Variants in TMCO1 observed in about 807,000 individuals in gnomAD.
TMCO1 encodes calcium load-activated calcium channel.
TMCO1 carries 29 observed loss-of-function variants against 29.3 expected under a neutral mutation model. The ratio of observed to expected loss-of-function variants is 0.99; its 90% CI spans 0.74 to 1.35. The LOEUF is 1.35. Among genes scored for constraint, TMCO1 ranks in the 40% most tolerant of loss-of-function variants. TMCO1 has a pLI of 0.00. For synonymous variants in TMCO1, 80 were observed against 77.1 expected (o/e 1.04, Z -0.20); for missense variants, 173 against 225.5 (o/e 0.77, Z 1.49).
intron 6 of TMCO1, among the ~76,000 whole-genome samples, chr1:165,733,333 G>C (rs1204343054): frequency 6.6e-6 from 1 of 152,076 alleles, no homozygotes; most frequent in Admixed American, 6.6e-5. Flanking sequence ...GCAAGATTTA[G>C]TTTAGAAATA....
At chr1:165,764,096 T>C (rs1652490838) in intron 2 of TMCO1, among the ~76,000 whole-genome samples, 1 of 152,200 alleles carries the variant, frequency 6.6e-6, no homozygotes, top group Non-Finnish European at 1.5e-5. Flanking sequence ...TTCAAACCAA[T>C]TTGAAGCTAA....
At position 165,768,742 on chromosome 1, in the gene TMCO1, T is replaced by G. The variant is rs1287927441; in HGVS notation, c.10A>C (p.Met4Leu). The change falls in exon 1 of 7, where the codon ATG becomes CTG. Residue 4 changes from methionine (M) to leucine (L), a missense_variant. Met to Leu is a conservative substitution (Grantham distance 15). Coordinates refer to ENST00000367881, the MANE Select transcript of TMCO1 (RefSeq NM_019026.6). ...ACGATGAGGAGAGTGTCCGCGAACA[T>G]AGTGCTCATCTCGCACCTTCGTCTC... is the stretch of plus-strand genomic sequence containing the variant. MSTMFADTLLIVFI... is the reference protein window; with the variant it reads MSTLFADTLLIVFI... 2 of 1,613,996 alleles carry G rather than the reference T, an allele frequency of 1.2e-6. No homozygotes were observed. The highest frequency in any genetic ancestry group is 3.3e-5 in the Admixed American group (2 of 60,012).
intron 2 of TMCO1, among the ~76,000 whole-genome samples, chr1:165,765,909 TG>T (rs1235401762): frequency 2.0e-5 from 3 of 152,202 alleles, no homozygotes; most frequent in Non-Finnish European, 4.4e-5. Context: ...GCTGTCATCT[TG>T]AGAACAGACT....
rs566182366 is a variant in TMCO1 at position 165,736,908 on chromosome 1, C to T, written c.468+6259G>A. On this transcript the variant is annotated intron_variant, in intron 6 of 6. Transcript: ENST00000367881. ...ACCCGATCTCCAGGGCTAAAGCAAT[C>T]CTCCCACTTAAGTCCCCATAACCCA... 2.0e-5 allele frequency among the ~76,000 whole-genome samples: 3 copies of T among 152,118 alleles called. 1 individual carries two copies. In the South Asian group the frequency reaches 6.2e-4, roughly 32 times the overall value.
At chr1:165,766,121 G>T (rs1250912049) in intron 2 of TMCO1, among the ~76,000 whole-genome samples, 1 of 152,158 alleles carries the variant, frequency 6.6e-6, no homozygotes, top group Non-Finnish European at 1.5e-5. Context: ...CTAGATGTGG[G>T]TTGTAAGAAG....
intron 2 of TMCO1, among the ~76,000 whole-genome samples, chr1:165,762,635 T>C (rs902113563): frequency 2.0e-5 from 3 of 152,210 alleles, no homozygotes; most frequent in Non-Finnish European, 2.9e-5. Flanking sequence ...CAACAAGAAG[T>C]AGAAATGTCA....
At chr1:165,730,868 T>C (rs996547319) in intron 6 of TMCO1, among the ~76,000 whole-genome samples, 12 of 151,570 alleles carry the variant, frequency 7.9e-5, no homozygotes, top group South Asian at 2.1e-4. Context: ...GCTGGCATTA[T>C]AGGGGTGAGC....
intron 6 of TMCO1, among the ~76,000 whole-genome samples, chr1:165,741,907 G>A (rs1203384100): frequency 6.6e-6 from 1 of 152,206 alleles, no homozygotes; most frequent in Non-Finnish European, 1.5e-5. Context: ...TAAGTTTCCT[G>A]AGGACTTCCC....
chr1:165,739,180 G>A (rs1034867561), intron 6 of TMCO1, among the ~76,000 whole-genome samples: 2 of 152,118 alleles, frequency 1.3e-5, no homozygotes, highest in Admixed American at 1.3e-4. Flanking sequence ...AGGATCTGCA[G>A]ATTTTCTTAT....
At chr1:165,725,298 T>C (rs1486747399), downstream of TMCO1, 1 of 453,932 alleles carries the variant, frequency 2.2e-6, no homozygotes, top group Non-Finnish European at 4.4e-6. Context: ...CTAGAAGCTC[T>C]ATCAATTGTC....
intron 6 of TMCO1, among the ~76,000 whole-genome samples, chr1:165,739,560 T>G (rs1456893339): frequency 6.6e-6 from 1 of 152,048 alleles, no homozygotes; most frequent in Non-Finnish European, 1.5e-5. Flanking sequence ...GTTAAATTTT[T>G]GCATTTTTTG....
At chr1:165,761,044 T>A (rs377568810) in intron 2 of TMCO1, among the ~76,000 whole-genome samples, 2 of 152,176 alleles carry the variant, frequency 1.3e-5, no homozygotes, top group Non-Finnish European at 2.9e-5. Flanking sequence ...ACATGAAGTT[T>A]GTCCCTGAAT....
downstream of TMCO1, chr1:165,724,839 A>C (rs1650786161): frequency 2.2e-6 from 1 of 453,820 alleles, no homozygotes; most frequent in Non-Finnish European, 4.4e-6. Context: ...TAAAGTCCTG[A>C]AATATTTACA....
intron 4 of TMCO1, among the ~76,000 whole-genome samples, chr1:165,753,384 G>A (rs1003901300): frequency 1.7e-4 from 25 of 148,462 alleles, no homozygotes; most frequent in African/African-American, 5.9e-4. Flanking sequence ...GAGGTAGGAG[G>A]AGCGCACAAG....
At chr1:165,735,672 G>A (rs1446150550) in intron 6 of TMCO1, among the ~76,000 whole-genome samples, 1 of 152,010 alleles carries the variant, frequency 6.6e-6, no homozygotes, top group Non-Finnish European at 1.5e-5. Flanking sequence ...GCACCACCAT[G>A]CCTGGCTAAT....
At chr1:165,763,518 T>C (rs895194220) in intron 2 of TMCO1, among the ~76,000 whole-genome samples, 6 of 152,212 alleles carry the variant, frequency 3.9e-5, no homozygotes, top group African/African-American at 1.2e-4. Context: ...CATGAGTCAT[T>C]CCAATCATCA....
At chr1:165,731,151 A>G (rs113309873) in intron 6 of TMCO1, among the ~76,000 whole-genome samples, 2,019 of 152,202 alleles carry the variant, frequency 0.013, 52 homozygotes, top group African/African-American at 0.047. Flanking sequence ...CGCCTGTCTC[A>G]GCCTCCCAAA....
chr1:165,732,501 CTCTCTATATA>C (rs1651207768), intron 6 of TMCO1, among the ~76,000 whole-genome samples: 1 of 138,188 alleles, frequency 7.2e-6, no homozygotes, highest in Non-Finnish European at 1.5e-5. Context: ...CTCTCTCTCT[CTCTCTATATA>C]TATATATATA....
At chr1:165,764,143 A>G (rs1652492067) in intron 2 of TMCO1, among the ~76,000 whole-genome samples, 1 of 152,244 alleles carries the variant, frequency 6.6e-6, no homozygotes, top group South Asian at 2.1e-4. Flanking sequence ...TCAATGATAT[A>G]AATGACATGA....
Sources: gnomAD v4.1 joint callset for allele counts (sites outside exome capture counted in the v4.1 genomes callset) on GRCh38, gnomAD v4.1.1 for gene constraint, MANE v1.5 for transcripts, NCBI Gene and HGNC (gene_info 2026-07-23, HGNC 2026-07-21) for gene names.